The following RBM19 variants were observed in gnomAD, a reference collection of about 807,000 sequenced individuals.
RBM19 encodes RNA binding motif protein 19.
In RBM19, 94 loss-of-function variants were observed where a neutral mutation model predicts 116.8. The ratio of observed to expected loss-of-function variants is 0.80; its 90% CI spans 0.68 to 0.95. The LOEUF (loss-of-function observed/expected upper bound fraction) is 0.95, where lower values mean the gene tolerates loss of function less well. Among genes scored for constraint, RBM19 ranks in the 40% least tolerant of loss-of-function variants. RBM19 has a pLI of 0.00. For missense variants in RBM19, 1,161 were observed against 1,220.7 expected (o/e 0.95, Z 0.73); for synonymous variants, 475 against 494.1 (o/e 0.96, Z 0.51).
At chr12:113,831,472 C>T (rs1875403004) in intron 23 of RBM19, among the ~76,000 whole-genome samples, 1 of 152,186 alleles carries the variant, frequency 6.6e-6, no homozygotes, top group Admixed American at 6.5e-5. Context: ...CACTGTGGTC[C>T]CCAAGTCCCC....
At chr12:113,891,287 C>CT (rs750785576) in intron 21 of RBM19, among the ~76,000 whole-genome samples, 1 of 152,244 alleles carries the variant, frequency 6.6e-6, no homozygotes, top group Non-Finnish European at 1.5e-5. Context: ...CCAGCCAACT[C>CT]TCTCTTGCTC....
At chr12:113,829,374 C>T (rs929682119) in intron 23 of RBM19, among the ~76,000 whole-genome samples, 1 of 152,170 alleles carries the variant, frequency 6.6e-6, no homozygotes, top group Admixed American at 6.5e-5. Flanking sequence ...GAGCCTGGGC[C>T]GCAGACTGGC....
intron 10 of RBM19, among the ~76,000 whole-genome samples, chr12:113,948,494 A>G (rs1871224676): frequency 6.6e-6 from 1 of 152,224 alleles, no homozygotes; most frequent in Non-Finnish European, 1.5e-5. Context: ...CTCAATTCCA[A>G]TACCGAGTGG....
intron 21 of RBM19, among the ~76,000 whole-genome samples, chr12:113,882,494 T>C (rs1880218057): frequency 6.6e-6 from 1 of 152,218 alleles, no homozygotes; most frequent in African/African-American, 2.4e-5. Flanking sequence ...CATATTTTAT[T>C]TGAAAGGAGC....
intron 20 of RBM19, 68 bp downstream of exon 20, chr12:113,918,324 G>A: frequency 6.6e-7 from 1 of 1,505,130 alleles, no homozygotes. Context: ...ACAGCCTCCA[G>A]GGTGGCCGGC....
At chr12:113,885,486 C>T (rs776224759) in intron 21 of RBM19, among the ~76,000 whole-genome samples, 15 of 152,100 alleles carry the variant, frequency 9.9e-5, no homozygotes, top group African/African-American at 2.9e-4. Flanking sequence ...CAGTTGTTTC[C>T]GGTTCTATGG....
At chr12:113,960,321 T>C (rs2135942894) in intron 2 of RBM19, 143 bp from the exon 3 acceptor site, 1 of 1,035,404 alleles carries the variant, frequency 9.7e-7, no homozygotes, top group Non-Finnish European at 1.4e-6. Context: ...CGTCACCCCT[T>C]AGCCTGGGCT....
chr12:113,958,667 G>C (rs775508615), intron 5 of RBM19, among the ~76,000 whole-genome samples: 3 of 152,062 alleles, frequency 2.0e-5, no homozygotes, highest in Non-Finnish European at 4.4e-5. Flanking sequence ...CTCACCTTTA[G>C]ACCCAAATAG....
chr12:113,938,225 T>A (rs1181678891), intron 15 of RBM19, among the ~76,000 whole-genome samples: 1 of 152,082 alleles, frequency 6.6e-6, no homozygotes, highest in South Asian at 2.1e-4. Flanking sequence ...TGGTGTCACA[T>A]TCCAAAGGAT....
chr12:113,935,788 C>CT (rs1869999983), intron 16 of RBM19, among the ~76,000 whole-genome samples: 1 of 152,148 alleles, frequency 6.6e-6, no homozygotes, highest in Non-Finnish European at 1.5e-5. Flanking sequence ...AATCCCAGCA[C>CT]TTTGGGAGGC....
At chr12:113,960,852 C>A (rs992868051) in intron 2 of RBM19, among the ~76,000 whole-genome samples, 1 of 152,160 alleles carries the variant, frequency 6.6e-6, no homozygotes, top group Non-Finnish European at 1.5e-5. Context: ...TACTGGAGAC[C>A]CAGCCTGAGC....
Position 113,958,192 on chromosome 12 carries a change from C to G in RBM19, c.572-142G>C. The G allele has an allele frequency of 2.8e-6, 4 of 1,454,378 alleles. No homozygotes were observed. The South Asian group carries it at 5.7e-5, about 21-fold the overall frequency. 90.1% of individuals were successfully genotyped at this position (1,454,378 alleles called of 1,614,324 possible). A position where few individuals can be genotyped will look rare whatever the true frequency, so the allele number is the denominator to read the frequency against. ...CATGGCCCCTGTGCCCAGCATCCCC[C>G]ATAAGTCCTCTGATTAGCAATACCA... is the stretch of plus-strand genomic sequence containing the variant. On this transcript the variant is annotated intron_variant, in intron 5 of 23. Transcript: ENST00000261741.
intron 17 of RBM19, 105 bp from the exon 18 acceptor site, chr12:113,924,862 G>T: frequency 2.1e-6 from 2 of 942,970 alleles, no homozygotes; most frequent in Non-Finnish European, 3.5e-6. Flanking sequence ...GACACCTTGG[G>T]GTCCCAAAAA....
intron 1 of RBM19, among the ~76,000 whole-genome samples, chr12:113,962,631 T>A (rs1426365163): frequency 6.6e-6 from 1 of 152,208 alleles, no homozygotes; most frequent in Non-Finnish European, 1.5e-5. Context: ...GATGTGGAAA[T>A]CATGACTCAT....
intron 19 of RBM19, among the ~76,000 whole-genome samples, chr12:113,919,515 G>T (rs1307684942): frequency 6.6e-6 from 1 of 152,230 alleles, no homozygotes; most frequent in Admixed American, 6.5e-5. Context: ...AGCTTGCAGT[G>T]AGCCGAGATC....
intron 21 of RBM19, among the ~76,000 whole-genome samples, chr12:113,872,500 C>T (rs1371509044): frequency 2.3e-4 from 31 of 135,720 alleles, no homozygotes; most frequent in African/African-American, 6.6e-4. Flanking sequence ...CCCGGCCAGC[C>T]GCCCCATCCG....
chr12:113,854,267 T>C (rs1877701427), intron 22 of RBM19, among the ~76,000 whole-genome samples: 1 of 152,170 alleles, frequency 6.6e-6, no homozygotes. Context: ...AAGACGGGCT[T>C]CCAGAAGTTG....
intron 23 of RBM19, among the ~76,000 whole-genome samples, chr12:113,837,679 T>C (rs1332735932): frequency 6.6e-6 from 1 of 152,208 alleles, no homozygotes; most frequent in African/African-American, 2.4e-5. Flanking sequence ...CTGATACAAA[T>C]ACTCGGTACA....
rs571054611 is a variant in RBM19, at chr12:113,919,372, C to T, written c.2386-925G>A. Among the ~76,000 whole-genome samples the T allele has an allele frequency of 2.6e-5, 4 of 152,270 alleles. No homozygotes were observed. In the South Asian group the frequency reaches 6.2e-4, roughly 24 times the overall value. On this transcript the variant is annotated intron_variant, in intron 19 of 23. Coordinates refer to ENST00000261741, the MANE Select transcript of RBM19 (RefSeq NM_016196.4). ...GGATCACGGGGTCAGGAGATCGAGA[C>T]CATCCTGGCTAACACGGTGAAACCC...
Sources: allele counts gnomAD v4.1 joint callset (sites outside exome capture counted in the v4.1 genomes callset), GRCh38; gene constraint gnomAD v4.1.1; transcripts MANE v1.5; gene names NCBI Gene and HGNC (gene_info 2026-07-23, HGNC 2026-07-21).